ZNF534: variants seen among roughly 807,000 people sequenced by gnomAD.
The protein encoded by ZNF534 is zinc finger protein 534.
ZNF534 carries 19 observed loss-of-function variants against 13.6 expected under a neutral mutation model. The ratio of observed to expected loss-of-function variants is 1.40; its 90% CI spans 0.97 to 2.05. The LOEUF is 2.05. Ranked by LOEUF, ZNF534 falls within the 30% of genes most tolerant of loss-of-function variation. The pLI is 0.00. For synonymous variants in ZNF534, 244 were observed against 273.8 expected (o/e 0.89, Z 1.07); for missense variants, 782 against 796.3 (o/e 0.98, Z 0.22).
Position 52,442,046 on chromosome 19 carries a change from C to G in ZNF534, c.*2600C>G, listed in dbSNP as rs917312749. 2.3e-5 allele frequency among the ~76,000 whole-genome samples: 1 copy of G among 43,564 alleles called. No individual in the cohort carries two copies. Among genetic ancestry groups the G allele is most frequent in the Non-Finnish European group, 6.0e-5 (1 of 16,776 alleles). The allele number at this position is 43,564 out of a possible 152,430, so 28.6% of individuals were successfully genotyped here. ...TGAGGCCTGCCAAATCACTAGAAAT[C>G]AAAATATACTTTTGGATAAAACGAC... On this transcript the variant is annotated 3_prime_UTR_variant, in exon 5 of 5. Coordinates refer to ENST00000433050, the MANE Select transcript of ZNF534 (RefSeq NM_001143938.3).
At chr19:52,436,308 A>G (rs2059128686) in intron 4 of ZNF534, among the ~76,000 whole-genome samples, 1 of 152,194 alleles carries the variant, frequency 6.6e-6, no homozygotes, top group Non-Finnish European at 1.5e-5. Flanking sequence ...CTGGAAAAAT[A>G]CACATAGACT....
At chr19:52,433,822 T>C (rs115498600) in intron 2 of ZNF534, 133 bp from the exon 3 acceptor site, 7 of 971,922 alleles carry the variant, frequency 7.2e-6, no homozygotes, top group African/African-American at 4.8e-5. Flanking sequence ...CATAACTAGC[T>C]CAAGAATCCT....
At chr19:52,445,151 G>C (rs2059189765), downstream of ZNF534, among the ~76,000 whole-genome samples, 2 of 151,816 alleles carry the variant, frequency 1.3e-5, no homozygotes, top group Admixed American at 1.3e-4. Flanking sequence ...GGCTTGCTAG[G>C]GGACCCAGAG....
In ZNF534 at chr19:52,435,187, G is replaced by C; in HGVS notation, c.249G>C (p.Glu83Asp). 1.2e-6 allele frequency: 2 copies of C among 1,612,450 alleles called. No individual in the cohort carries two copies. The highest frequency in any genetic ancestry group is 1.7e-6 in the Non-Finnish European group (2 of 1,179,070). The change falls in exon 4 of 5, where the codon GAG becomes GAC. Residue 83 changes from glutamate to aspartate, a missense_variant. By Grantham distance (45) the Glu-to-Asp change is conservative (BLOSUM62 2). This residue lies in a region of ZNF534 where 30 missense variants were observed against 55.4 expected (regional missense o/e 0.54). Coordinates refer to ENST00000433050, the MANE Select transcript of ZNF534 (RefSeq NM_001143938.3). ...TAATAAACAATCCAGATGGCAGGGAGTGCATCAAAGGTGTGAACACAGGTG... is the reference window on the plus strand; with the variant it reads ...TAATAAACAATCCAGATGGCAGGGACTGCATCAAAGGTGTGAACACAGGTG... Reference protein sequence around the residue: ...VKIINNPDGRECIKGVNTEKS... With the variant: ...VKIINNPDGRDCIKGVNTEKS...
intron 4 of ZNF534, among the ~76,000 whole-genome samples, chr19:52,435,899 AG>A (rs1372093549): frequency 2.0e-5 from 3 of 149,726 alleles, no homozygotes; most frequent in Non-Finnish European, 4.4e-5. Context: ...TACTAAATAT[AG>A]TATTCTTCAT....
rs1185132836 is a variant in ZNF534, at chr19:52,450,697, GT to G, written c.272-478del. Among the ~76,000 whole-genome samples, 187 of 24,052 alleles carry G rather than the reference GT, an allele frequency of 7.8e-3. 4 individuals are homozygous for G. The highest frequency in any genetic ancestry group is 0.011 in the Non-Finnish European group (141 of 13,270). The allele number at this position is 24,052 out of a possible 152,430, so 15.8% of individuals were successfully genotyped here. On this transcript the variant is annotated intron_variant, in intron 4 of 4. Transcript: ENST00000301085. ...TTTTTTTTTTTTTGTTTTTGTTTTT[GT>G]TTTTTTTTTTTAGACAAGGTCTCTA...
chr19:52,445,118 C>T (rs1274341850), downstream of ZNF534, among the ~76,000 whole-genome samples: 1 of 152,114 alleles, frequency 6.6e-6, no homozygotes, highest in Non-Finnish European at 1.5e-5. Flanking sequence ...CCCCCAGGAC[C>T]CCTGTGAGGC....
rs1171627054 is a variant in ZNF534, at chr19:52,433,236, CAAAAAAA to C, written c.16-701_16-695del. Among the ~76,000 whole-genome samples, 32 of 64,616 alleles carry C rather than the reference CAAAAAAA, an allele frequency of 5.0e-4. No homozygotes were observed. In the Middle Eastern group the frequency reaches 0.029, roughly 58 times the overall value. 42.4% of individuals were successfully genotyped at this position (64,616 alleles called of 152,430 possible). On this transcript the variant is annotated intron_variant, in intron 2 of 4. Transcript: ENST00000433050. ...TCTGGGAAACAGTAAGATCCTATCTCAAAAAAAAAAAAAAAAAAAAAAAAGAAAGAAA... is the reference window on the plus strand; with the variant it reads ...TCTGGGAAACAGTAAGATCCTATCTCAAAAAAAAAAAAAAAAAGAAAGAAA...
Position 52,434,052 on chromosome 19 carries a change from T to G in ZNF534, c.113T>G (p.Leu38Ter). The G allele has an allele frequency of 6.2e-7, 1 of 1,614,130 alleles. No homozygotes were observed. The highest frequency in any genetic ancestry group is 8.5e-7 in the Non-Finnish European group (1 of 1,180,022). Residue 38 changes from leucine (L) to a stop codon, truncating the protein, a stop_gained, in exon 3 of 5, where the codon TTA becomes TGA. Coordinates refer to ENST00000433050, the MANE Select transcript of ZNF534 (RefSeq NM_001143938.3). LOFTEE classifies it high-confidence loss of function. ...AAAGCTTTATACAGGGACGTGATGTTAGAGAACTACAGGAACCTGGTCTCC... is the reference window on the plus strand; with the variant it reads ...AAAGCTTTATACAGGGACGTGATGTGAGAGAACTACAGGAACCTGGTCTCC... ...GQKALYRDVM[L>*]ENYRNLVSLG... is the part of the protein sequence containing the mutation.
chr19:52,451,310 T>G (rs2059214552), exon 5 of ZNF534: 1 of 1,141,104 alleles, frequency 8.8e-7, no homozygotes, highest in Non-Finnish European at 1.3e-6. Context: ...CCCTCGCCCC[T>G]CGCTCTGCTA....
chr19:52,440,635 G>T lies in ZNF534; in HGVS notation c.*1189G>T, dbSNP rs542895019. ...ATCACTACTAAAAATAAAAAAAATA[G>T]CTGGGTGTGGTGGTGGGTGTCTGTA... On this transcript the variant is annotated 3_prime_UTR_variant, in exon 5 of 5. Coordinates refer to ENST00000433050, the MANE Select transcript of ZNF534 (RefSeq NM_001143938.3). Among the ~76,000 whole-genome samples the T allele has an allele frequency of 6.6e-6, 1 of 152,076 alleles. No individual in the cohort carries two copies. Among genetic ancestry groups the T allele is most frequent in the Middle Eastern group, 3.4e-3 (1 of 294 alleles).
rs2059178293 is a variant in ZNF534 at position 52,442,338 on chromosome 19, T to C, written c.*2892T>C. 6.6e-6 allele frequency among the ~76,000 whole-genome samples: 1 copy of C among 152,160 alleles called. No individual in the cohort carries two copies. Among genetic ancestry groups the C allele is most frequent in the Non-Finnish European group, 1.5e-5 (1 of 68,012 alleles). ...TAAGGCGTTCCAGAACCACAAATAATAGCATGTGCATTCTGTGCCTTAAGG... is the reference window on the plus strand; with the variant it reads ...TAAGGCGTTCCAGAACCACAAATAACAGCATGTGCATTCTGTGCCTTAAGG... On this transcript the variant is annotated 3_prime_UTR_variant, in exon 5 of 5. Transcript: ENST00000433050.
intron 4 of ZNF534, among the ~76,000 whole-genome samples, chr19:52,450,039 G>A (rs185690505): frequency 2.6e-5 from 4 of 152,196 alleles, no homozygotes; most frequent in East Asian, 1.9e-4. Context: ...AATTGCTATC[G>A]TGATGTTTGA....
At chr19:52,444,997 C>T (rs548343426), downstream of ZNF534, among the ~76,000 whole-genome samples, 12 of 152,186 alleles carry the variant, frequency 7.9e-5, no homozygotes, top group Non-Finnish European at 1.3e-4. Flanking sequence ...TGGATTCACG[C>T]TCTTCCATGA....
chr19:52,445,104 C>G (rs1424629780), downstream of ZNF534, among the ~76,000 whole-genome samples: 2 of 152,186 alleles, frequency 1.3e-5, no homozygotes, highest in Admixed American at 6.5e-5. Flanking sequence ...CCTCTTGCAG[C>G]CTTCCCCCAG....
chr19:52,431,172 G>A (rs1292830660), intron 1 of ZNF534, among the ~76,000 whole-genome samples: 1 of 152,160 alleles, frequency 6.6e-6, no homozygotes, highest in East Asian at 1.9e-4. Context: ...TTTAAGGGGA[G>A]CTTAGTCAAG....
At chr19:52,431,344 G>C (rs1400925644) in intron 1 of ZNF534, 64 bp from the exon 2 acceptor site, 4 of 1,217,540 alleles carry the variant, frequency 3.3e-6, no homozygotes, top group Non-Finnish European at 4.7e-6. Context: ...CTTTTTGTGT[G>C]GCTGTGGCAC....
chr19:52,436,510 AC>A (rs1373314439), intron 4 of ZNF534, among the ~76,000 whole-genome samples: 1 of 152,144 alleles, frequency 6.6e-6, no homozygotes, highest in African/African-American at 2.4e-5. Flanking sequence ...TGATGTTTTA[AC>A]ATTATTTCTT....
intron 2 of ZNF534, 59 bp downstream of exon 2, chr19:52,431,548 T>C (rs984326778): frequency 3.1e-6 from 5 of 1,608,592 alleles, no homozygotes; most frequent in Admixed American, 1.7e-5. Flanking sequence ...ATGCCAGGCA[T>C]TGGAGTTGCT....
Sources: gnomAD v4.1 joint callset for allele counts (sites outside exome capture counted in the v4.1 genomes callset) on GRCh38, gnomAD v4.1.1 for gene constraint, gnomAD v4.1.1 regional missense constraint, MANE v1.5 for transcripts, NCBI Gene and HGNC (gene_info 2026-07-23, HGNC 2026-07-21) for gene names.